Variants in OSBPL1A observed in about 807,000 individuals in gnomAD.
OSBPL1A encodes oxysterol binding protein like 1A, also known as oxysterol-binding protein-related protein 1.
Under a neutral mutation model 137.1 loss-of-function variants are expected in OSBPL1A, and 80 were observed. The observed-to-expected ratio is 0.58, with a 90% CI of 0.49 to 0.70. The LOEUF is 0.70. Among genes scored for constraint, OSBPL1A ranks in the 30% least tolerant of loss-of-function variants. The pLI, the probability that OSBPL1A is intolerant of heterozygous loss-of-function variation, is 0.00. For missense variants in OSBPL1A, 970 were observed against 1,129.4 expected (o/e 0.86, Z 2.02); for synonymous variants, 365 against 389.7 (o/e 0.94, Z 0.75).
intron 4 of OSBPL1A, among the ~76,000 whole-genome samples, chr18:24,363,029 G>A (rs1464373587): frequency 1.3e-5 from 2 of 152,188 alleles, no homozygotes. Context: ...GAAATGACTT[G>A]ATTTAAAACA....
At chr18:24,321,028 C>CA (rs368453121) in intron 7 of OSBPL1A, among the ~76,000 whole-genome samples, 14,491 of 68,042 alleles carry the variant, frequency 0.21, 2,526 homozygotes, top group African/African-American at 0.5. Flanking sequence ...GACTTCGTCT[C>CA]AAAAAAAAAA....
At chr18:24,273,193 C>T (rs1332672984) in intron 15 of OSBPL1A, among the ~76,000 whole-genome samples, 1 of 152,210 alleles carries the variant, frequency 6.6e-6, no homozygotes, top group African/African-American at 2.4e-5. Flanking sequence ...CAGGCGTGAG[C>T]CACCACGCCC....
chr18:24,373,603 C>T (rs1047964820), intron 2 of OSBPL1A, among the ~76,000 whole-genome samples: 1 of 152,170 alleles, frequency 6.6e-6, no homozygotes, highest in African/African-American at 2.4e-5. Flanking sequence ...CCTTCTTTCC[C>T]TCACTTTCAA....
Position 24,204,123 on chromosome 18 carries a change from T to C in OSBPL1A, c.1602-7923A>G, listed in dbSNP as rs182937075. Among the ~76,000 whole-genome samples the C allele has an allele frequency of 7.2e-5, 11 of 152,334 alleles. No homozygotes were observed. The East Asian group carries it at 2.1e-3, about 29-fold the overall frequency. On this transcript the variant is annotated intron_variant, in intron 17 of 27. Transcript: ENST00000319481. The stretch of plus-strand genomic sequence containing the variant: ...ATCCACAGATGCGGCCAGACTGCTT[T>C]TGGAGAAGCTTTTAACAATTTCGTA...
chr18:24,317,446 T>A (rs994051109), intron 9 of OSBPL1A, 46 bp from the exon 10 acceptor site: 2 of 1,437,588 alleles, frequency 1.4e-6, no homozygotes, highest in Non-Finnish European at 2.0e-6. Flanking sequence ...ACATCTAGAT[T>A]CAAATGCTTG....
intron 18 of OSBPL1A, among the ~76,000 whole-genome samples, chr18:24,187,466 A>G (rs2086781632): frequency 6.6e-6 from 1 of 152,128 alleles, no homozygotes; most frequent in African/African-American, 2.4e-5. Context: ...TCCTGCATTC[A>G]AATCCTAGCT....
chr18:24,382,406 CAA>C (rs58654443), intron 1 of OSBPL1A, among the ~76,000 whole-genome samples: 6 of 74,494 alleles, frequency 8.1e-5, no homozygotes, highest in Admixed American at 1.6e-4. Flanking sequence ...GACTCCGTCT[CAA>C]AAAAAAAAAA....
intron 2 of OSBPL1A, among the ~76,000 whole-genome samples, chr18:24,371,326 A>G (rs1367966325): frequency 6.6e-6 from 1 of 152,174 alleles, no homozygotes; most frequent in Non-Finnish European, 1.5e-5. Flanking sequence ...TAGTCTCCTC[A>G]AGCCTTTTAC....
At position 24,397,663 on chromosome 18, in the gene OSBPL1A, T is replaced by C. The variant is rs916091808; in HGVS notation, c.-11A>G. ...AGCCGCGAGAAACTGACCTACGCGGTCACCCGGGCTCCCAGAGCTCCCGAG... is the reference window on the plus strand; with the variant it reads ...AGCCGCGAGAAACTGACCTACGCGGCCACCCGGGCTCCCAGAGCTCCCGAG... On this transcript the variant is annotated 5_prime_UTR_variant, in exon 1 of 28. Transcript: ENST00000319481. 1 of 152,154 alleles carries C rather than the reference T, an allele frequency of 6.6e-6. No individual in the cohort carries two copies. Among genetic ancestry groups the C allele is most frequent in the African/African-American group, 2.4e-5 (1 of 41,418 alleles). 9.4% of individuals were successfully genotyped at this position (152,154 alleles called of 1,614,324 possible). A position where few individuals can be genotyped will look rare whatever the true frequency, so the allele number is the denominator to read the frequency against.
rs1015228144 is a variant in OSBPL1A, at chr18:24,333,189, C to A, written c.481-103G>T. 7.0e-6 allele frequency: 9 copies of A among 1,281,988 alleles called. No individual in the cohort carries two copies. In the African/African-American group the frequency reaches 1.3e-4, roughly 19 times the overall value. 79.4% of individuals were successfully genotyped at this position (1,281,988 alleles called of 1,614,324 possible). A position where few individuals can be genotyped will look rare whatever the true frequency, so the allele number is the denominator to read the frequency against. Reference sequence around the variant, plus strand: ...CAGCAGAGCCCGAAGAATAGCCAAGCTCCTTGGCATCCAGGCTGTTAGTGG... The same window carrying A: ...CAGCAGAGCCCGAAGAATAGCCAAGATCCTTGGCATCCAGGCTGTTAGTGG... On this transcript the variant is annotated intron_variant, in intron 6 of 27. Transcript: ENST00000319481.
At chr18:24,365,638 A>C (rs2091693718) in intron 4 of OSBPL1A, among the ~76,000 whole-genome samples, 1 of 152,094 alleles carries the variant, frequency 6.6e-6, no homozygotes, top group Non-Finnish European at 1.5e-5. Flanking sequence ...GAGAAAGGAA[A>C]CAATTCAGTG....
chr18:24,332,838 C>T, intron 7 of OSBPL1A, 104 bp downstream of exon 7: 1 of 1,343,726 alleles, frequency 7.4e-7, no homozygotes, highest in Non-Finnish European at 1.0e-6. Flanking sequence ...AGAAACCATA[C>T]AGTTTAACAA....
intron 23 of OSBPL1A, 128 bp downstream of exon 23, chr18:24,171,281 C>T: frequency 1.5e-6 from 1 of 649,156 alleles, no homozygotes; most frequent in Non-Finnish European, 2.6e-6. Context: ...ATCTGCCCAC[C>T]TCAGCCTCCC....
chr18:24,271,583 G>A lies in OSBPL1A; in HGVS notation c.1281+9259C>T. On this transcript the variant is annotated intron_variant, in intron 15 of 27. Coordinates refer to ENST00000319481, the MANE Select transcript of OSBPL1A (RefSeq NM_080597.4). The surrounding 1 kb of genome is among the most constrained non-coding windows in gnomAD (Gnocchi z 4.0). ...CCGGCGTCCTCCGTGGCCCCAGGCT[G>A]CCCCGCAAAGCCACCGAGCTGCAAA... The A allele has an allele frequency of 2.0e-6, 2 of 987,018 alleles. No individual in the cohort carries two copies. The highest frequency in any genetic ancestry group is 1.2e-6 in the Non-Finnish European group (1 of 831,282). The allele number at this position is 987,018 out of a possible 1,614,324, so 61.1% of individuals were successfully genotyped here. A position where few individuals can be genotyped will look rare whatever the true frequency, so the allele number is the denominator to read the frequency against.
At chr18:24,392,517 G>A (rs929213375) in intron 1 of OSBPL1A, among the ~76,000 whole-genome samples, 5 of 152,220 alleles carry the variant, frequency 3.3e-5, no homozygotes, top group East Asian at 1.9e-4. Flanking sequence ...TATATGTTGC[G>A]ATTAGTTTTT....
chr18:24,375,844 A>G (rs9952231), intron 2 of OSBPL1A, among the ~76,000 whole-genome samples: 53,424 of 151,986 alleles, frequency 0.35, 10,383 homozygotes, highest in East Asian at 0.81. Flanking sequence ...AAATTATCAT[A>G]GTGTATCTGG....
intron 18 of OSBPL1A, among the ~76,000 whole-genome samples, chr18:24,187,868 C>T (rs113178854): frequency 0.016 from 2,423 of 152,262 alleles, 23 homozygotes; most frequent in Middle Eastern, 0.037. Flanking sequence ...GATCCAAACA[C>T]CAGGATGGCA....
intron 14 of OSBPL1A, among the ~76,000 whole-genome samples, chr18:24,301,999 C>G (rs1020465626): frequency 6.6e-6 from 1 of 152,172 alleles, no homozygotes; most frequent in East Asian, 1.9e-4. Flanking sequence ...GAGGCCAACG[C>G]GGGTGGATCA....
chr18:24,340,621 A>G (rs2091259374), intron 5 of OSBPL1A, among the ~76,000 whole-genome samples: 1 of 152,162 alleles, frequency 6.6e-6, no homozygotes. Flanking sequence ...CCTGACCAAC[A>G]TGCTGAAACC....
Sources: gnomAD v4.1 joint callset for allele counts (sites outside exome capture counted in the v4.1 genomes callset) on GRCh38, gnomAD v4.1.1 for gene constraint, Gnocchi (gnomAD v3.1) non-coding constraint, MANE v1.5 for transcripts, NCBI Gene and HGNC (gene_info 2026-07-23, HGNC 2026-07-21) for gene names.